Variants in CDH13 observed in about 807,000 individuals in gnomAD.
CDH13 encodes the protein cadherin 13, also known as cadherin-13.
In CDH13, 24 loss-of-function variants were observed where a neutral mutation model predicts 63.8. The ratio of observed to expected loss-of-function variants is 0.38; its 90% CI spans 0.27 to 0.53. CDH13 has a LOEUF of 0.53. Among genes scored for constraint, CDH13 ranks in the 20% least tolerant of loss-of-function variants. CDH13 has a pLI of 0.85. For missense variants in CDH13, 1,049 were observed against 903.1 expected, an observed-to-expected ratio of 1.16 and a Z score of -2.07; for synonymous variants, 503 against 355.3, an observed-to-expected ratio of 1.42 and a Z score of -4.67.
chr16:83,219,670 T>G (rs2039638999), intron 5 of CDH13, among the ~76,000 whole-genome samples: 1 of 152,234 alleles, frequency 6.6e-6, no homozygotes, highest in African/African-American at 2.4e-5. Context: ...CAGCACAAAC[T>G]TTCCTTGAGT....
chr16:83,378,051 G>A (rs1457332760), intron 6 of CDH13, among the ~76,000 whole-genome samples: 1 of 152,092 alleles, frequency 6.6e-6, no homozygotes, highest in Non-Finnish European at 1.5e-5. Context: ...GTACCCTTTG[G>A]ACCCGCTACC....
intron 5 of CDH13, among the ~76,000 whole-genome samples, chr16:83,336,072 G>T (rs2151907589): frequency 6.6e-6 from 1 of 152,100 alleles, no homozygotes; most frequent in Middle Eastern, 3.4e-3. Flanking sequence ...TGCCTGAGGT[G>T]GGTGGATCAC....
chr16:83,111,089 G>A (rs1007990584), intron 3 of CDH13, among the ~76,000 whole-genome samples: 1 of 151,200 alleles, frequency 6.6e-6, no homozygotes, highest in South Asian at 2.1e-4. Context: ...GGAGAATGGC[G>A]TGAACCCGGG....
intron 7 of CDH13, among the ~76,000 whole-genome samples, chr16:83,555,596 C>T (rs2075584892): frequency 6.6e-6 from 1 of 152,198 alleles, no homozygotes; most frequent in South Asian, 2.1e-4. Context: ...AAAGTTAAAA[C>T]ATGATGTGTG....
intron 6 of CDH13, among the ~76,000 whole-genome samples, chr16:83,448,863 AG>A (rs936755049): frequency 6.6e-6 from 1 of 152,170 alleles, no homozygotes; most frequent in African/African-American, 2.4e-5. Flanking sequence ...TTCTGAGCAA[AG>A]GTCACAGGAC....
At chr16:83,577,015 G>A (rs1389438598) in intron 7 of CDH13, among the ~76,000 whole-genome samples, 1 of 152,152 alleles carries the variant, frequency 6.6e-6, no homozygotes, top group Admixed American at 6.5e-5. Flanking sequence ...AATAAGTCCA[G>A]TGACAGGCAT....
In CDH13 at chr16:83,000,223, A is replaced by ATTTTTTTTTTTT. The variant is rs746904500; in HGVS notation, c.158-31757_158-31746dup. Among the ~76,000 whole-genome samples, 9 of 37,024 alleles carry ATTTTTTTTTTTT rather than the reference A, an allele frequency of 2.4e-4. 2 individuals carry two copies. The East Asian group carries it at 4.2e-3, about 17-fold the overall frequency. 24.3% of individuals were successfully genotyped at this position (37,024 alleles called of 152,430 possible). On this transcript the variant is annotated intron_variant, in intron 2 of 13. Transcript: ENST00000567109. Reference sequence around the variant, plus strand: ...CTAGGAATATCCACAGGTTTAGCTTATTTTTTTTTTTTTTTTTTTTTTTTT... The same window carrying ATTTTTTTTTTTT: ...CTAGGAATATCCACAGGTTTAGCTTATTTTTTTTTTTTTTTTTTTTTTTTTTTTTTTTTTTTT...
At chr16:83,135,474 G>A (rs1281530038) in intron 4 of CDH13, among the ~76,000 whole-genome samples, 2 of 152,196 alleles carry the variant, frequency 1.3e-5, no homozygotes, top group Non-Finnish European at 2.9e-5. Context: ...GCATGACCAA[G>A]GTGCAGAAGC....
chr16:82,996,802 TG>T (rs1912252842), intron 2 of CDH13, among the ~76,000 whole-genome samples: 1 of 150,840 alleles, frequency 6.6e-6, no homozygotes. Context: ...GTAATGGTGA[TG>T]GTGATGGTGG....
intron 1 of CDH13, among the ~76,000 whole-genome samples, chr16:82,770,532 A>T (rs1488073027): frequency 6.6e-6 from 1 of 152,204 alleles, no homozygotes; most frequent in African/African-American, 2.4e-5. Flanking sequence ...AAAAATCATC[A>T]TAAGTTTAAT....
intron 5 of CDH13, among the ~76,000 whole-genome samples, chr16:83,234,723 G>T (rs2040095652): frequency 6.6e-6 from 1 of 152,210 alleles, no homozygotes; most frequent in Admixed American, 6.5e-5. Flanking sequence ...AGCCCCTCTG[G>T]AGCTTATAGT....
intron 6 of CDH13, among the ~76,000 whole-genome samples, chr16:83,485,746 C>G (rs1158197930): frequency 6.6e-6 from 1 of 152,142 alleles, no homozygotes; most frequent in East Asian, 1.9e-4. Flanking sequence ...ATATTTATCT[C>G]TTCTACTGAT....
At chr16:83,670,203 G>A (rs142502709) in intron 8 of CDH13, among the ~76,000 whole-genome samples, 4,007 of 152,300 alleles carry the variant, frequency 0.026, 84 homozygotes, top group Non-Finnish European at 0.033. Flanking sequence ...GTATCTAGCA[G>A]AGGATCTGGG....
chr16:83,503,345 C>G (rs1259068957), intron 7 of CDH13, among the ~76,000 whole-genome samples: 1 of 152,120 alleles, frequency 6.6e-6, no homozygotes, highest in Non-Finnish European at 1.5e-5. Context: ...AATAAATTTG[C>G]TAATACTTTT....
intron 1 of CDH13, among the ~76,000 whole-genome samples, chr16:82,717,599 T>C (rs2033018129): frequency 6.6e-6 from 1 of 152,196 alleles, no homozygotes. Context: ...CCTTAGCTTA[T>C]AGCCACATCA....
intron 1 of CDH13, among the ~76,000 whole-genome samples, chr16:82,724,881 G>C (rs1434441841): frequency 6.6e-6 from 1 of 152,140 alleles, no homozygotes; most frequent in Non-Finnish European, 1.5e-5. Context: ...GTCCTTGGCT[G>C]GGTCAGCCAT....
rs536690851 is a variant in CDH13 at position 82,802,883 on chromosome 16, C to T, written c.46-55479C>T. ...GGACTCTCTGCCACCATCTGTGTTG[C>T]ATGTGTGCTTTACCTTTGCTGTCCT... On this transcript the variant is annotated intron_variant, in intron 1 of 13. Coordinates refer to ENST00000567109, the MANE Select transcript of CDH13 (RefSeq NM_001257.5). Among the ~76,000 whole-genome samples, 23 of 152,322 alleles carry T rather than the reference C, an allele frequency of 1.5e-4. No homozygotes were observed. The South Asian group carries it at 4.6e-3, about 30-fold the overall frequency.
At chr16:83,529,185 C>T (rs142364122) in intron 7 of CDH13, among the ~76,000 whole-genome samples, 2 of 151,248 alleles carry the variant, frequency 1.3e-5, no homozygotes, top group Non-Finnish European at 2.9e-5. Flanking sequence ...GAAGTACAAG[C>T]AGTACATAGT....
At chr16:83,727,748 G>C (rs929815580) in intron 10 of CDH13, among the ~76,000 whole-genome samples, 2 of 152,120 alleles carry the variant, frequency 1.3e-5, no homozygotes, top group East Asian at 3.9e-4. Context: ...AGGACAGGAG[G>C]ACTAAGGACC....
Sources: allele counts gnomAD v4.1 joint callset (sites outside exome capture counted in the v4.1 genomes callset), GRCh38; gene constraint gnomAD v4.1.1; transcripts MANE v1.5; gene names NCBI Gene and HGNC (gene_info 2026-07-23, HGNC 2026-07-21).